The following PPP6R2 variants were observed in gnomAD, a reference collection of about 807,000 sequenced individuals.
The protein encoded by PPP6R2 is protein phosphatase 6 regulatory subunit 2.
A neutral mutation model predicts 100.2 loss-of-function variants in PPP6R2; 62 were observed. That is an observed-to-expected ratio of 0.62 (90% CI 0.50 to 0.76). The LOEUF is 0.76. Ranked by LOEUF, PPP6R2 falls within the 30% of genes least tolerant of loss-of-function variation. PPP6R2 has a pLI of 0.00. For missense variants in PPP6R2, 1,142 were observed against 1,276.3 expected (o/e 0.89, Z 1.60); for synonymous variants, 525 against 514.7 (o/e 1.02, Z -0.27).
At chr22:50,435,183 G>T in intron 13 of PPP6R2, 102 bp downstream of exon 13, 1 of 956,650 alleles carries the variant, frequency 1.0e-6, no homozygotes. Context: ...GGTGCTGACT[G>T]CACTGACAGT....
At chr22:50,441,213 G>T in intron 22 of PPP6R2, 187 bp downstream of exon 22, 1 of 591,962 alleles carries the variant, frequency 1.7e-6, no homozygotes, top group Non-Finnish European at 3.0e-6. Flanking sequence ...ACGCGTTTAC[G>T]TGGAGGCCAG....
intron 1 of PPP6R2, among the ~76,000 whole-genome samples, chr22:50,350,932 C>G (rs1041870013): frequency 6.7e-6 from 1 of 148,604 alleles, no homozygotes; most frequent in Non-Finnish European, 1.5e-5. Context: ...CCTTGTACAT[C>G]TTAATCAGAG....
chr22:50,414,421 T>G (rs1303042433), intron 4 of PPP6R2, 131 bp from the exon 5 acceptor site: 14 of 946,270 alleles, frequency 1.5e-5, no homozygotes, highest in Admixed American at 2.7e-5. Context: ...TCTTACAATC[T>G]TGTCTGGGTC....
At chr22:50,405,181 G>A (rs1463182463) in intron 3 of PPP6R2, among the ~76,000 whole-genome samples, 1 of 152,244 alleles carries the variant, frequency 6.6e-6, no homozygotes, top group Non-Finnish European at 1.5e-5. Flanking sequence ...GAGGCTCAGT[G>A]GAGGGGAAGA....
chr22:50,382,425 C>A (rs546317574), intron 2 of PPP6R2, among the ~76,000 whole-genome samples: 1 of 151,246 alleles, frequency 6.6e-6, no homozygotes, highest in Non-Finnish European at 1.5e-5. Flanking sequence ...GGTGAAACCC[C>A]GTCTCTACTA....
intron 1 of PPP6R2, among the ~76,000 whole-genome samples, chr22:50,355,215 C>T (rs1001899995): frequency 6.6e-6 from 1 of 150,490 alleles, no homozygotes; most frequent in Non-Finnish European, 1.5e-5. Flanking sequence ...TATCCACATA[C>T]AGCAAGCAGC....
intron 2 of PPP6R2, among the ~76,000 whole-genome samples, chr22:50,391,685 A>T (rs1219615209): frequency 4.0e-5 from 6 of 148,232 alleles, no homozygotes; most frequent in African/African-American, 1.5e-4. Context: ...GGTTGAATTT[A>T]TGTCTGGTAT....
At position 50,393,936 on chromosome 22, in the gene PPP6R2, A is replaced by T; in HGVS notation, c.28A>T (p.Thr10Ser). 6.2e-7 allele frequency: 1 copy of T among 1,614,176 alleles called. No homozygotes were observed. ...GTTCTGGAAGTTTGACTTGAACACC[A>T]CGTCCCATGTTGACAAGCTGCTGGA... MFWKFDLNT[T>S]SHVDKLLDKE... The change falls in exon 3 of 24, where the codon ACG (threonine) becomes TCG (serine). Residue 10 changes from threonine to serine, a missense_variant. Physicochemically the swap from Thr to Ser is moderately conservative, Grantham distance 58. Transcript: ENST00000612753.
chr22:50,341,726 G>A (rs1359093306), upstream of PPP6R2, among the ~76,000 whole-genome samples: 1 of 151,938 alleles, frequency 6.6e-6, no homozygotes, highest in Non-Finnish European at 1.5e-5. Flanking sequence ...CGGGCGCGGC[G>A]GCTCAGGCCT....
chr22:50,406,942 T>C, intron 4 of PPP6R2, 67 bp downstream of exon 4: 2 of 1,496,588 alleles, frequency 1.3e-6, no homozygotes, highest in Non-Finnish European at 1.8e-6. Flanking sequence ...TGTCCTGCTG[T>C]GAGCCTGGCG....
intron 3 of PPP6R2, among the ~76,000 whole-genome samples, chr22:50,403,962 T>A (rs554363466): frequency 1.3e-5 from 2 of 152,266 alleles, no homozygotes; most frequent in Non-Finnish European, 2.9e-5. Flanking sequence ...TTAGGTCCAG[T>A]GCTAGGGCTG....
chr22:50,432,759 T>C (rs1382397070), intron 12 of PPP6R2, among the ~76,000 whole-genome samples: 1 of 152,224 alleles, frequency 6.6e-6, no homozygotes, highest in African/African-American at 2.4e-5. Flanking sequence ...CTTATTGTCG[T>C]GGGCCCAGAG....
At chr22:50,438,362 C>A in intron 18 of PPP6R2, 64 bp downstream of exon 18, 1 of 1,565,006 alleles carries the variant, frequency 6.4e-7, no homozygotes, top group South Asian at 1.2e-5. Flanking sequence ...GAACACCTGT[C>A]AGACGCCCTG....
At chr22:50,387,055 A>G (rs1456253849) in intron 2 of PPP6R2, among the ~76,000 whole-genome samples, 2 of 152,078 alleles carry the variant, frequency 1.3e-5, no homozygotes, top group Non-Finnish European at 2.9e-5. Context: ...TATGTATTAA[A>G]TTAAAATCAT....
At chr22:50,426,253 C>T (rs1472445699) in intron 10 of PPP6R2, among the ~76,000 whole-genome samples, 1 of 152,162 alleles carries the variant, frequency 6.6e-6, no homozygotes, top group African/African-American at 2.4e-5. Flanking sequence ...AGCCACCCAG[C>T]CTTTACTCCT....
At chr22:50,398,515 CTTT>C (rs539664240) in intron 3 of PPP6R2, among the ~76,000 whole-genome samples, 4 of 123,990 alleles carry the variant, frequency 3.2e-5, no homozygotes, top group Admixed American at 8.3e-5. Flanking sequence ...CATATTAAGA[CTTT>C]TTTTTTTTTT....
intron 3 of PPP6R2, among the ~76,000 whole-genome samples, chr22:50,404,969 C>T (rs2147078743): frequency 6.6e-6 from 1 of 152,320 alleles, no homozygotes. Flanking sequence ...GGGGCGATGG[C>T]TGTCACCCAC....
intron 8 of PPP6R2, 118 bp from the exon 9 acceptor site, chr22:50,422,136 G>A (rs9616844): frequency 0.36 from 480,575 of 1,350,590 alleles, 89,133 homozygotes; most frequent in East Asian, 0.65. Flanking sequence ...CTGCTCTAGG[G>A]TTTCTTTTTG....
intron 1 of PPP6R2, among the ~76,000 whole-genome samples, chr22:50,351,026 GTTTTTTTTTTTTTTTTTTTTT>G (rs1195469509): frequency 2.8e-4 from 23 of 80,742 alleles, no homozygotes; most frequent in Non-Finnish European, 5.2e-4. Flanking sequence ...TCTCAACAGT[GTTTTTTTTTTTTTTTTTTTTT>G]TTTTTTTTTT....
Sources: allele counts gnomAD v4.1 joint callset (sites outside exome capture counted in the v4.1 genomes callset), GRCh38; gene constraint gnomAD v4.1.1; transcripts MANE v1.5; gene names NCBI Gene and HGNC (gene_info 2026-07-23, HGNC 2026-07-21).